PARD3B: variants seen among roughly 807,000 people sequenced by gnomAD.
The protein encoded by PARD3B is partitioning defective 3 homolog B.
PARD3B carries 103 observed loss-of-function variants against 130.2 expected under a neutral mutation model. The observed-to-expected ratio is 0.79, with a 90% CI of 0.67 to 0.93. The LOEUF (loss-of-function observed/expected upper bound fraction) is 0.93. Ranked by LOEUF, PARD3B falls within the 40% of genes least tolerant of loss-of-function variation. PARD3B has a pLI of 0.00. For missense variants in PARD3B, 1,609 were observed against 1,499.2 expected, an observed-to-expected ratio of 1.07 and a Z score of -1.21; for synonymous variants, 583 against 553.2, an observed-to-expected ratio of 1.05 and a Z score of -0.76.
chr2:205,066,961 G>A (rs1235018786), intron 4 of PARD3B, among the ~76,000 whole-genome samples: 1 of 152,012 alleles, frequency 6.6e-6, no homozygotes, highest in Non-Finnish European at 1.5e-5. Flanking sequence ...TGAGGGGAAG[G>A]GAGGTTGTGC....
chr2:205,391,143 A>T (rs2045845048), intron 18 of PARD3B, among the ~76,000 whole-genome samples: 2 of 152,202 alleles, frequency 1.3e-5, no homozygotes, highest in Admixed American at 1.3e-4. Flanking sequence ...GTTGATAGAA[A>T]GTTCAGCAGT....
chr2:204,829,748 C>G (rs991266401), intron 2 of PARD3B, among the ~76,000 whole-genome samples: 3 of 152,010 alleles, frequency 2.0e-5, no homozygotes, highest in Non-Finnish European at 2.9e-5. Context: ...GCCTGTAATC[C>G]CAGCACTTTG....
intron 19 of PARD3B, among the ~76,000 whole-genome samples, chr2:205,430,286 T>C (rs2047284723): frequency 6.6e-6 from 1 of 152,190 alleles, no homozygotes; most frequent in South Asian, 2.1e-4. Context: ...AGTGAACCCG[T>C]GTAGTTCAAA....
chr2:204,851,224 C>T (rs2044695318), intron 2 of PARD3B, among the ~76,000 whole-genome samples: 1 of 152,126 alleles, frequency 6.6e-6, no homozygotes, highest in African/African-American at 2.4e-5. Flanking sequence ...ATTCCTCAGT[C>T]ACCAAGAAAA....
chr2:205,077,623 A>T (rs1023442640), intron 4 of PARD3B, among the ~76,000 whole-genome samples: 1 of 152,170 alleles, frequency 6.6e-6, no homozygotes, highest in Non-Finnish European at 1.5e-5. Context: ...CTTATTTTTA[A>T]TGAAATATTA....
intron 15 of PARD3B, among the ~76,000 whole-genome samples, chr2:205,238,022 G>A (rs1037722869): frequency 6.6e-6 from 1 of 152,082 alleles, no homozygotes; most frequent in Admixed American, 6.5e-5. Flanking sequence ...ACAATGAACA[G>A]TTGTCTCATT....
intron 18 of PARD3B, among the ~76,000 whole-genome samples, chr2:205,334,835 T>C (rs1394042439): frequency 6.6e-6 from 1 of 152,224 alleles, no homozygotes; most frequent in Non-Finnish European, 1.5e-5. Flanking sequence ...GGACAAAGCA[T>C]AAGTGAGAAC....
At chr2:204,681,811 GC>G (rs1008885352) in intron 1 of PARD3B, among the ~76,000 whole-genome samples, 1 of 152,110 alleles carries the variant, frequency 6.6e-6, no homozygotes, top group African/African-American at 2.4e-5. Flanking sequence ...AGGGGAGAAT[GC>G]CCCCAGGAGA....
At chr2:205,310,982 A>G (rs747424466) in intron 18 of PARD3B, among the ~76,000 whole-genome samples, 4 of 152,046 alleles carry the variant, frequency 2.6e-5, no homozygotes, top group African/African-American at 4.8e-5. Context: ...TTGGCCTCCC[A>G]AAGTGCTGGG....
At chr2:205,347,498 G>A (rs765594104) in intron 18 of PARD3B, among the ~76,000 whole-genome samples, 2 of 152,118 alleles carry the variant, frequency 1.3e-5, no homozygotes, top group African/African-American at 4.8e-5. Context: ...ATTCCAAATA[G>A]CCTGAAATAA....
intron 20 of PARD3B, among the ~76,000 whole-genome samples, chr2:205,494,030 G>A (rs1190588756): frequency 6.6e-6 from 1 of 152,052 alleles, no homozygotes; most frequent in Non-Finnish European, 1.5e-5. Flanking sequence ...CAAGTGCTGG[G>A]ATTACAGGCG....
intron 19 of PARD3B, among the ~76,000 whole-genome samples, chr2:205,429,273 G>A (rs2047247950): frequency 1.3e-5 from 2 of 152,036 alleles, no homozygotes. Context: ...AACTATCTAG[G>A]ACACTAACTC....
chr2:205,004,038 AC>A (rs1468235205), intron 3 of PARD3B, among the ~76,000 whole-genome samples: 1 of 152,212 alleles, frequency 6.6e-6, no homozygotes, highest in Non-Finnish European at 1.5e-5. Flanking sequence ...GATTCCAGAA[AC>A]AAAGTTAAGG....
chr2:205,167,134 T>G (rs1026647180), intron 11 of PARD3B, among the ~76,000 whole-genome samples: 3 of 152,060 alleles, frequency 2.0e-5, no homozygotes, highest in African/African-American at 7.2e-5. Flanking sequence ...AACAAAAAAT[T>G]TGCCAAGCCA....
chr2:204,845,589 G>GC (rs2044429222), intron 2 of PARD3B, among the ~76,000 whole-genome samples: 1 of 152,004 alleles, frequency 6.6e-6, no homozygotes, highest in South Asian at 2.1e-4. Context: ...TCTAAAGATT[G>GC]CACCTATGCA....
chr2:205,009,587 C>T (rs930663582), intron 3 of PARD3B, among the ~76,000 whole-genome samples: 8 of 150,992 alleles, frequency 5.3e-5, no homozygotes, highest in South Asian at 2.1e-4. Context: ...AGGAGAATGG[C>T]GTGAACCCGG....
chr2:205,286,765 C>G (rs1171513685), intron 16 of PARD3B, among the ~76,000 whole-genome samples: 6 of 152,190 alleles, frequency 3.9e-5, no homozygotes, highest in Non-Finnish European at 8.8e-5. Flanking sequence ...AAAGTGATAT[C>G]AGATTTCCTC....
rs1481875943 is a variant in PARD3B at position 205,054,426 on chromosome 2, ATATATATATATTTTT to A, written c.504+6738_504+6752del. ...CTTTTATATATATATATATATATAT[ATATATATATATTTTT>A]TTTTTTTTTTTTTTTTAATTATACT... On this transcript the variant is annotated intron_variant, in intron 4 of 22. Coordinates refer to ENST00000406610, the MANE Select transcript of PARD3B (RefSeq NM_001302769.2). Among the ~76,000 whole-genome samples the A allele has an allele frequency of 5.5e-4, 13 of 23,814 alleles. No individual in the cohort carries two copies. The East Asian group carries it at 7.1e-3, about 13-fold the overall frequency. 15.6% of individuals were successfully genotyped at this position (23,814 alleles called of 152,430 possible). A position where few individuals can be genotyped will look rare whatever the true frequency, so the allele number is the denominator to read the frequency against.
rs116519642 is a variant in PARD3B, at chr2:204,904,090, T to C, written c.223-61062T>C. ...GCATAAAAAAGGCTCTGATTTATTT[T>C]ACTTTATTTTTTTGCAAATAGCTGC... is the stretch of plus-strand genomic sequence containing the variant. On this transcript the variant is annotated intron_variant, in intron 2 of 22. Coordinates refer to ENST00000406610, the MANE Select transcript of PARD3B (RefSeq NM_001302769.2). Among the ~76,000 whole-genome samples, 594 of 152,316 alleles carry C rather than the reference T, an allele frequency of 3.9e-3. 1 individual carries two copies. Among genetic ancestry groups the C allele is most frequent in the Middle Eastern group, 6.8e-3 (2 of 294 alleles).
Sources: gnomAD v4.1 joint callset for allele counts (sites outside exome capture counted in the v4.1 genomes callset) on GRCh38, gnomAD v4.1.1 for gene constraint, MANE v1.5 for transcripts, NCBI Gene and HGNC (gene_info 2026-07-23, HGNC 2026-07-21) for gene names.